Variants in MAML3 observed in about 807,000 individuals in gnomAD.
MAML3 encodes mastermind like transcriptional coactivator 3.
A neutral mutation model predicts 101.9 loss-of-function variants in MAML3; 27 were observed. The ratio of observed to expected loss-of-function variants is 0.27; its 90% CI spans 0.20 to 0.37. The LOEUF is 0.37. Among genes scored for constraint, MAML3 ranks in the 10% least tolerant of loss-of-function variants. MAML3 has a pLI of 1.00. For synonymous variants in MAML3, 501 were observed against 555.9 expected (o/e 0.90, Z 1.39); for missense variants, 1,316 against 1,444.9 (o/e 0.91, Z 1.45).
At chr4:139,967,968 A>C (rs1734167417) in intron 1 of MAML3, among the ~76,000 whole-genome samples, 3 of 151,448 alleles carry the variant, frequency 2.0e-5, no homozygotes, top group Non-Finnish European at 3.0e-5. Context: ...GTCTCAAAAA[A>C]AAAAAAAAAA....
intron 2 of MAML3, among the ~76,000 whole-genome samples, chr4:139,873,118 C>T (rs1191557668): frequency 4.6e-5 from 7 of 151,840 alleles, no homozygotes; most frequent in Non-Finnish European, 5.9e-5. Flanking sequence ...TAAATAATCA[C>T]GCAGATATTT....
chr4:139,994,689 T>C (rs1734769136), intron 1 of MAML3, among the ~76,000 whole-genome samples: 1 of 152,140 alleles, frequency 6.6e-6, no homozygotes, highest in African/African-American at 2.4e-5. Context: ...AATTAATTAA[T>C]AGAAATGGAA....
chr4:140,086,712 G>A (rs890980879), intron 1 of MAML3, among the ~76,000 whole-genome samples: 5 of 152,118 alleles, frequency 3.3e-5, no homozygotes, highest in South Asian at 2.1e-4. Context: ...TGGGGTGAAC[G>A]AGAGAAGAGG....
intron 1 of MAML3, among the ~76,000 whole-genome samples, chr4:140,045,759 T>C (rs1172956445): frequency 6.6e-6 from 1 of 152,192 alleles, no homozygotes; most frequent in African/African-American, 2.4e-5. Context: ...GGGCAGCCCT[T>C]GGAAAGGGGT....
intron 1 of MAML3, among the ~76,000 whole-genome samples, chr4:139,976,961 A>G (rs566996571): frequency 2.0e-5 from 3 of 150,968 alleles, no homozygotes; most frequent in African/African-American, 5.0e-5. Context: ...CCCAAAATTC[A>G]TATGTTAAAA....
intron 1 of MAML3, among the ~76,000 whole-genome samples, chr4:140,041,023 T>C (rs1727077580): frequency 6.6e-6 from 1 of 152,118 alleles, no homozygotes. Context: ...ATTTTGTTGT[T>C]TGACAAAATG....
intron 1 of MAML3, among the ~76,000 whole-genome samples, chr4:140,123,013 C>T (rs930717396): frequency 2.8e-4 from 43 of 151,662 alleles, no homozygotes; most frequent in African/African-American, 1.0e-3. Context: ...TCTAGTAAAC[C>T]AATATGGCCA....
intron 1 of MAML3, among the ~76,000 whole-genome samples, chr4:139,946,889 C>CACA (rs1733737962): frequency 1.6e-5 from 2 of 126,920 alleles, no homozygotes; most frequent in East Asian, 2.8e-4. Flanking sequence ...GCAGAGTAAG[C>CACA]CACACACACA....
chr4:139,848,305 T>C (rs532452197), intron 2 of MAML3, among the ~76,000 whole-genome samples: 3 of 152,312 alleles, frequency 2.0e-5, no homozygotes, highest in African/African-American at 4.8e-5. Context: ...CCGTTAAAGC[T>C]GAGGCAGAAG....
intron 1 of MAML3, among the ~76,000 whole-genome samples, chr4:140,100,646 T>TAA (rs112694604): frequency 3.4e-5 from 5 of 144,962 alleles, no homozygotes; most frequent in Non-Finnish European, 6.1e-5. Flanking sequence ...TTAGGTGTAT[T>TAA]AAAAAAAAAA....
intron 1 of MAML3, among the ~76,000 whole-genome samples, chr4:140,136,382 C>T (rs1447123591): frequency 2.6e-5 from 4 of 152,122 alleles, no homozygotes; most frequent in Admixed American, 6.5e-5. Context: ...CCTCCCCCAC[C>T]GCATATTATC....
In MAML3 at chr4:139,731,001, G is replaced by C. The variant is rs1420936274; in HGVS notation, c.2080-334C>G. ...CCAAGGAAAGGGAATAAGCCCTCAG[G>C]CTGAGCTCACCTAAAGTCTGGAACA... On this transcript the variant is annotated intron_variant, in intron 2 of 4. Coordinates refer to ENST00000509479, the MANE Select transcript of MAML3 (RefSeq NM_018717.5). The C allele has an allele frequency of 1.6e-5, 5 of 308,802 alleles. No individual in the cohort carries two copies. In the Admixed American group the frequency reaches 2.2e-4, roughly 14 times the overall value. The allele number at this position is 308,802 out of a possible 1,614,324, so 19.1% of individuals were successfully genotyped here.
intron 2 of MAML3, among the ~76,000 whole-genome samples, chr4:139,859,998 C>G (rs1302488647): frequency 2.0e-5 from 3 of 152,202 alleles, no homozygotes; most frequent in Non-Finnish European, 4.4e-5. Context: ...GCTAGAGGAG[C>G]AGCCACCGAG....
At chr4:140,105,765 C>T (rs191182990) in intron 1 of MAML3, among the ~76,000 whole-genome samples, 5 of 152,120 alleles carry the variant, frequency 3.3e-5, no homozygotes, top group Non-Finnish European at 7.3e-5. Context: ...TCAATACACC[C>T]ATCACACATC....
intron 1 of MAML3, among the ~76,000 whole-genome samples, chr4:140,129,121 A>G (rs1231833503): frequency 1.3e-5 from 2 of 152,200 alleles, no homozygotes; most frequent in Non-Finnish European, 2.9e-5. Context: ...AATGGAAACA[A>G]TAATTAGACG....
At chr4:140,146,282 G>A (rs1401287800) in intron 1 of MAML3, among the ~76,000 whole-genome samples, 5 of 152,084 alleles carry the variant, frequency 3.3e-5, no homozygotes, top group Non-Finnish European at 4.4e-5. Context: ...AGAGAACGCC[G>A]AATGCTGTGC....
At chr4:139,739,720 T>TAAAAAAA (rs59259375) in intron 2 of MAML3, among the ~76,000 whole-genome samples, 1 of 134,208 alleles carries the variant, frequency 7.5e-6, no homozygotes, top group African/African-American at 2.8e-5. Flanking sequence ...GTGTTAAAAC[T>TAAAAAAA]AAAAAAAAAA....
chr4:139,829,938 C>A (rs2111132289), intron 2 of MAML3, among the ~76,000 whole-genome samples: 1 of 152,244 alleles, frequency 6.6e-6, no homozygotes, highest in South Asian at 2.1e-4. Flanking sequence ...GTCAGATGGT[C>A]ATGTTAACGT....
intron 2 of MAML3, among the ~76,000 whole-genome samples, chr4:139,847,854 A>G (rs537633408): frequency 2.0e-5 from 3 of 152,338 alleles, no homozygotes; most frequent in South Asian, 4.1e-4. Context: ...TCTCTTCACC[A>G]GAAATCTACA....
Sources: allele counts gnomAD v4.1 joint callset (sites outside exome capture counted in the v4.1 genomes callset), GRCh38; gene constraint gnomAD v4.1.1; transcripts MANE v1.5; gene names NCBI Gene and HGNC (gene_info 2026-07-23, HGNC 2026-07-21).